MS4A8: variants seen among roughly 807,000 people sequenced by gnomAD.
The protein encoded by MS4A8 is membrane-spanning 4-domains subfamily A member 8.
Under a neutral mutation model 23.7 loss-of-function variants are expected in MS4A8, and 27 were observed. That is an observed-to-expected ratio of 1.14 (90% confidence interval 0.84 to 1.57). The LOEUF is 1.57. Among genes scored for constraint, MS4A8 ranks in the 40% most tolerant of loss-of-function variants. MS4A8 has a pLI of 0.00. For synonymous variants in MS4A8, 138 were observed against 126.3 expected (o/e 1.09, Z -0.62); for missense variants, 301 against 311.4 (o/e 0.97, Z 0.25).
chr11:60,707,812 C>CTTTTTTTTTTTTTTTTTTT (rs5792195), intron 4 of MS4A8, among the ~76,000 whole-genome samples: 91 of 55,138 alleles, frequency 1.7e-3, no homozygotes, highest in East Asian at 2.5e-3. Flanking sequence ...TTTTCTTTTT[C>CTTTTTTTTTTTTTTTTTTT]TTTTTTTTTT....
intron 5 of MS4A8, chr11:60,711,906 C>A: frequency 2.2e-6 from 1 of 455,502 alleles, no homozygotes; most frequent in South Asian, 1.6e-5. Context: ...CTCAGTCATC[C>A]CATCTGAACA....
chr11:60,700,737 A>AGAT, intron 1 of MS4A8, 123 bp from the exon 2 acceptor site: 1 of 906,836 alleles, frequency 1.1e-6, no homozygotes, highest in Non-Finnish European at 1.7e-6. Context: ...TATTATTTGT[A>AGAT]ACATGGGATT....
intron 5 of MS4A8, among the ~76,000 whole-genome samples, chr11:60,714,017 C>T (rs1194671616): frequency 5.4e-5 from 8 of 147,204 alleles, no homozygotes; most frequent in Admixed American, 4.0e-4. Flanking sequence ...CTCCACTTCC[C>T]GGGTTCATGC....
chr11:60,707,294 T>C (rs2134658170), intron 4 of MS4A8, among the ~76,000 whole-genome samples: 1 of 151,516 alleles, frequency 6.6e-6, no homozygotes, highest in East Asian at 1.9e-4. Context: ...AGTTAAGGCA[T>C]CAGAGTATGG....
chr11:60,710,966 C>A (rs1308335804), intron 5 of MS4A8, among the ~76,000 whole-genome samples: 1 of 152,182 alleles, frequency 6.6e-6, no homozygotes, highest in Non-Finnish European at 1.5e-5. Flanking sequence ...TAATCTGCAA[C>A]CACCTTCCCA....
intron 3 of MS4A8, among the ~76,000 whole-genome samples, chr11:60,705,243 A>C (rs2088245809): frequency 1.3e-5 from 2 of 152,204 alleles, no homozygotes; most frequent in Admixed American, 1.3e-4. Context: ...CCTTCGTGGA[A>C]TGTGGGGCTA....
At chr11:60,703,234 G>A in intron 2 of MS4A8, 144 bp from the exon 3 acceptor site, 1 of 960,650 alleles carries the variant, frequency 1.0e-6, no homozygotes, top group South Asian at 2.5e-5. Flanking sequence ...GGAGATTACA[G>A]GTAGTTTTTA....
intron 5 of MS4A8, 175 bp downstream of exon 5, chr11:60,708,956 T>A: frequency 1.5e-6 from 1 of 655,766 alleles, no homozygotes; most frequent in Non-Finnish European, 2.5e-6. Flanking sequence ...GCACATGACC[T>A]TTCCCAGTTT....
rs1389085031 is a variant in MS4A8 at position 60,715,436 on chromosome 11, C to A, written c.*22C>A. 1.3e-6 allele frequency: 2 copies of A among 1,590,334 alleles called. No individual in the cohort carries two copies. Among genetic ancestry groups the A allele is most frequent in the Non-Finnish European group, 8.6e-7 (1 of 1,159,742 alleles). The stretch of plus-strand genomic sequence containing the variant: ...GTAAGGCTACAGATTCTGGAAGCAT[C>A]TTTCACTGGGACCAAAAGAAGTCCT... On this transcript the variant is annotated 3_prime_UTR_variant, in exon 7 of 7. Coordinates refer to ENST00000300226, the MANE Select transcript of MS4A8 (RefSeq NM_031457.2).
intron 1 of MS4A8, 36 bp from the exon 2 acceptor site, chr11:60,700,824 G>A (rs1198038084): frequency 6.2e-7 from 1 of 1,610,486 alleles, no homozygotes; most frequent in Non-Finnish European, 8.5e-7. Context: ...AAGTCCATAT[G>A]TGAGGGAAAA....
chr11:60,708,710 C>A lies in MS4A8; in HGVS notation c.463C>A (p.Leu155Ile), dbSNP rs960670603. 2.6e-5 allele frequency: 42 copies of A among 1,607,266 alleles called. No individual in the cohort carries two copies. Among genetic ancestry groups the A allele is most frequent in the Non-Finnish European group, 3.5e-5 (41 of 1,177,604 alleles). ...AATCTGCTCTGCAGTTGGAGTCATA[C>A]TCTTCATCACAGATCTAAGTATTCC... is the stretch of plus-strand genomic sequence containing the variant. ...SAICSAVGVI[L>I]FITDLSIPHP... Residue 155 changes from leucine (L) to isoleucine (I), a missense_variant, in exon 5 of 7, where the codon CTC becomes ATC. Leu to Ile is a conservative substitution (Grantham distance 5). Transcript: ENST00000300226.
intron 4 of MS4A8, 64 bp from the exon 5 acceptor site, chr11:60,708,586 G>T: frequency 6.9e-7 from 1 of 1,448,020 alleles, no homozygotes; most frequent in Non-Finnish European, 9.1e-7. Context: ...CACTTGTTGG[G>T]TCTCCATTCA....
chr11:60,707,164 C>A (rs1374804856), intron 4 of MS4A8, 117 bp downstream of exon 4: 2 of 952,336 alleles, frequency 2.1e-6, no homozygotes, highest in Non-Finnish European at 3.4e-6. Context: ...TATAACCAGA[C>A]ACACGGTGCT....
chr11:60,710,579 C>T (rs1590955088), intron 5 of MS4A8, among the ~76,000 whole-genome samples: 1 of 152,180 alleles, frequency 6.6e-6, no homozygotes, highest in African/African-American at 2.4e-5. Flanking sequence ...CCGCATCTCT[C>T]ATCTAATCAT....
intron 5 of MS4A8, chr11:60,711,708 C>A: frequency 2.4e-6 from 1 of 422,728 alleles, no homozygotes; most frequent in Non-Finnish European, 4.7e-6. Context: ...GGTGGAGGAA[C>A]TAAGGGAAAG....
At chr11:60,713,520 C>T (rs1442418079) in intron 5 of MS4A8, among the ~76,000 whole-genome samples, 1 of 152,026 alleles carries the variant, frequency 6.6e-6, no homozygotes, top group Non-Finnish European at 1.5e-5. Flanking sequence ...CCTTAAGGAG[C>T]AGTATTGCTG....
intron 2 of MS4A8, chr11:60,701,282 A>C: frequency 1.5e-6 from 1 of 689,652 alleles, no homozygotes; most frequent in East Asian, 2.8e-5. Flanking sequence ...TTTCTGATTT[A>C]GGCATTTTCG....
chr11:60,715,298 T>G lies in MS4A8; in HGVS notation c.649-12T>G. 6.2e-7 allele frequency: 1 copy of G among 1,612,350 alleles called. No individual in the cohort carries two copies. ...CTTCTTAGCATGCCCCCTGTGTGCCTGTGTTTTCCAGGTGAGTGTCATCTA... is the reference window on the plus strand; with the variant it reads ...CTTCTTAGCATGCCCCCTGTGTGCCGGTGTTTTCCAGGTGAGTGTCATCTA... On this transcript the variant is annotated splice_polypyrimidine_tract_variant and intron_variant, in intron 6 of 6. Coordinates refer to ENST00000300226, the MANE Select transcript of MS4A8 (RefSeq NM_031457.2).
intron 5 of MS4A8, 118 bp from the exon 6 acceptor site, chr11:60,714,903 T>G: frequency 6.9e-6 from 5 of 719,792 alleles, no homozygotes; most frequent in African/African-American, 1.7e-5. Flanking sequence ...CCCACGAGGC[T>G]GAGAGAGGAT....
Sources: allele counts gnomAD v4.1 joint callset (sites outside exome capture counted in the v4.1 genomes callset), GRCh38; gene constraint gnomAD v4.1.1; transcripts MANE v1.5; gene names NCBI Gene and HGNC (gene_info 2026-07-23, HGNC 2026-07-21).